CA10: variants seen among roughly 807,000 people sequenced by gnomAD.
The protein encoded by CA10 is carbonic anhydrase 10 (inactive).
A neutral mutation model predicts 44.2 loss-of-function variants in CA10; 14 were observed. The observed-to-expected ratio is 0.32, with a 90% CI of 0.21 to 0.50. CA10 has a LOEUF of 0.50. Among genes scored for constraint, CA10 ranks in the 20% least tolerant of loss-of-function variants. The pLI, the probability that CA10 is intolerant of heterozygous loss-of-function variation, is 0.99. For synonymous variants in CA10, 159 were observed against 141.6 expected (o/e 1.12, Z -0.87); for missense variants, 350 against 409.7 (o/e 0.85, Z 1.26).
intron 4 of CA10, among the ~76,000 whole-genome samples, chr17:51,699,209 G>A (rs912414911): frequency 3.9e-5 from 6 of 151,992 alleles, no homozygotes; most frequent in Non-Finnish European, 8.8e-5. Context: ...TGTAATCCCA[G>A]CTACTTGGGA....
intron 2 of CA10, among the ~76,000 whole-genome samples, chr17:51,974,581 T>C (rs1401009125): frequency 1.3e-5 from 2 of 151,642 alleles, no homozygotes; most frequent in African/African-American, 4.8e-5. Flanking sequence ...GTCCAAATAG[T>C]CTAATGTATA....
In CA10 at chr17:52,027,539, T is replaced by C. The variant is rs987391702; in HGVS notation, c.136+44780A>G. Among the ~76,000 whole-genome samples the C allele has an allele frequency of 6.6e-5, 10 of 152,082 alleles. 1 individual carries two copies. Among genetic ancestry groups the C allele is most frequent in the Non-Finnish European group, 1.5e-5 (1 of 68,018 alleles). ...TACTCTGGGAGTCTAGGATCTAAAA[T>C]TGGGGAAAGACGACATGCACATAGA... On this transcript the variant is annotated intron_variant, in intron 2 of 8. Transcript: ENST00000451037.
chr17:51,997,377 A>G (rs1658471183), intron 2 of CA10, among the ~76,000 whole-genome samples: 1 of 152,102 alleles, frequency 6.6e-6, no homozygotes, highest in South Asian at 2.1e-4. Flanking sequence ...TGTAGAATAA[A>G]TATAATTCCA....
In CA10 at chr17:51,674,128, G is replaced by A. The variant is rs967785522; in HGVS notation, c.466-20392C>T. 4.6e-5 allele frequency among the ~76,000 whole-genome samples: 7 copies of A among 152,168 alleles called. No individual in the cohort carries two copies. The South Asian group carries it at 1.2e-3, about 27-fold the overall frequency. On this transcript the variant is annotated intron_variant, in intron 4 of 8. Transcript: ENST00000451037. ...ACTGCTTCATATTGCAATGATTTGT[G>A]TACAGCGCATCTCCCAGGTAAAATG...
At chr17:51,834,325 A>AACTGCATGTAGCAC (rs1232409332) in intron 3 of CA10, among the ~76,000 whole-genome samples, 1 of 152,248 alleles carries the variant, frequency 6.6e-6, no homozygotes, top group Non-Finnish European at 1.5e-5. Context: ...TTCATAAAGT[A>AACTGCATGTAGCAC]ACTGCATGTA....
intron 1 of CA10, among the ~76,000 whole-genome samples, chr17:52,149,764 A>G (rs900483967): frequency 4.6e-5 from 7 of 152,224 alleles, no homozygotes; most frequent in African/African-American, 1.7e-4. Flanking sequence ...TATCTGGGTT[A>G]TTCCAAAGCT....
intron 3 of CA10, among the ~76,000 whole-genome samples, chr17:51,794,124 G>C (rs983813992): frequency 2.0e-5 from 3 of 152,192 alleles, no homozygotes; most frequent in African/African-American, 7.2e-5. Flanking sequence ...GTCTCGAAAG[G>C]CCCATGGAGA....
chr17:52,071,819 T>G (rs911136199), intron 2 of CA10, among the ~76,000 whole-genome samples: 1 of 152,138 alleles, frequency 6.6e-6, no homozygotes, highest in African/African-American at 2.4e-5. Flanking sequence ...ACGAAAGTCA[T>G]AATATAATCC....
intron 3 of CA10, among the ~76,000 whole-genome samples, chr17:51,802,269 G>A (rs1038135088): frequency 2.6e-5 from 4 of 152,146 alleles, no homozygotes; most frequent in African/African-American, 9.7e-5. Flanking sequence ...AGGCACACCT[G>A]GTTTCCATCC....
intron 6 of CA10, 92 bp downstream of exon 6, chr17:51,649,090 G>T: frequency 1.2e-6 from 1 of 832,666 alleles, no homozygotes. Flanking sequence ...ACTGAAAAGG[G>T]CCCATGGAGA....
chr17:52,010,394 G>A (rs1243709816), intron 2 of CA10, among the ~76,000 whole-genome samples: 1 of 151,898 alleles, frequency 6.6e-6, no homozygotes. Context: ...TGTGCTGTGT[G>A]TGTGTATGTG....
intron 4 of CA10, among the ~76,000 whole-genome samples, chr17:51,708,682 A>G (rs1174885054): frequency 6.6e-6 from 1 of 152,184 alleles, no homozygotes; most frequent in African/African-American, 2.4e-5. Flanking sequence ...CCCACCCTCA[A>G]TATGAGTGGG....
chr17:52,105,400 G>T (rs960658298), intron 1 of CA10, among the ~76,000 whole-genome samples: 1 of 152,034 alleles, frequency 6.6e-6, no homozygotes, highest in Non-Finnish European at 1.5e-5. Context: ...GACTACAGGC[G>T]CCTGCCACCA....
upstream of CA10, chr17:52,159,744 T>A (rs988675602): frequency 6.6e-6 from 1 of 152,124 alleles, no homozygotes; most frequent in African/African-American, 2.4e-5. Context: ...GGAGGCGGGC[T>A]GTCTATAACC....
At chr17:52,045,435 A>G (rs1231233984) in intron 2 of CA10, among the ~76,000 whole-genome samples, 1 of 152,020 alleles carries the variant, frequency 6.6e-6, no homozygotes, top group Non-Finnish European at 1.5e-5. Flanking sequence ...CTCATTTTTA[A>G]TTTCTTCAAA....
At chr17:52,061,437 T>C (rs1309633014) in intron 2 of CA10, among the ~76,000 whole-genome samples, 1 of 152,176 alleles carries the variant, frequency 6.6e-6, no homozygotes, top group Admixed American at 6.5e-5. Flanking sequence ...ACTTTTAAAA[T>C]GGTAAGATAA....
chr17:51,871,635 T>C (rs2143862674), intron 3 of CA10, among the ~76,000 whole-genome samples: 1 of 152,192 alleles, frequency 6.6e-6, no homozygotes, highest in East Asian at 1.9e-4. Context: ...TCCACCTGCC[T>C]CAGCCTCCCA....
chr17:52,091,398 T>TA (rs1260668770), intron 1 of CA10, among the ~76,000 whole-genome samples: 5 of 152,140 alleles, frequency 3.3e-5, no homozygotes, highest in Middle Eastern at 3.2e-3. Flanking sequence ...TTCTCAGTGG[T>TA]AAAAATAATG....
At chr17:51,896,921 T>A (rs1003955886) in intron 3 of CA10, among the ~76,000 whole-genome samples, 25 of 149,346 alleles carry the variant, frequency 1.7e-4, no homozygotes, top group Admixed American at 8.6e-4. Context: ...TGCCCACTTT[T>A]AAATTTTTTT....
Sources: gnomAD v4.1 joint callset for allele counts (sites outside exome capture counted in the v4.1 genomes callset) on GRCh38, gnomAD v4.1.1 for gene constraint, MANE v1.5 for transcripts, NCBI Gene and HGNC (gene_info 2026-07-23, HGNC 2026-07-21) for gene names.